Variants in LRRTM4 observed in about 807,000 individuals in gnomAD.
LRRTM4 encodes leucine-rich repeat transmembrane neuronal protein 4.
A neutral mutation model predicts 47.6 loss-of-function variants in LRRTM4; 25 were observed. That is an observed-to-expected ratio of 0.53 (90% CI 0.38 to 0.73). The LOEUF (loss-of-function observed/expected upper bound fraction) is 0.73, where lower values mean the gene tolerates loss of function less well. Ranked by LOEUF, LRRTM4 falls within the 30% of genes least tolerant of loss-of-function variation. LRRTM4 has a pLI of 0.00. For synonymous variants in LRRTM4, 311 were observed against 269.5 expected (o/e 1.15, Z -1.51); for missense variants, 638 against 713.4 (o/e 0.89, Z 1.20).
chr2:76,823,302 T>C (rs1181367992), intron 3 of LRRTM4, among the ~76,000 whole-genome samples: 2 of 151,396 alleles, frequency 1.3e-5, no homozygotes, highest in African/African-American at 2.4e-5. Context: ...CTTTCAATAA[T>C]TAGTAAAAAT....
chr2:77,342,951 G>T (rs1476451169), intron 3 of LRRTM4, among the ~76,000 whole-genome samples: 1 of 151,880 alleles, frequency 6.6e-6, no homozygotes, highest in Non-Finnish European at 1.5e-5. Context: ...TTCCAAACCT[G>T]GCATAATGAT....
At chr2:77,154,474 A>T (rs1672507073) in intron 3 of LRRTM4, among the ~76,000 whole-genome samples, 1 of 152,176 alleles carries the variant, frequency 6.6e-6, no homozygotes, top group Non-Finnish European at 1.5e-5. Context: ...AATTATAACT[A>T]GTATAGGCAT....
intron 3 of LRRTM4, among the ~76,000 whole-genome samples, chr2:76,905,001 T>G (rs1673774458): frequency 6.6e-6 from 1 of 152,118 alleles, no homozygotes; most frequent in African/African-American, 2.4e-5. Context: ...GCAGTGGTTC[T>G]CCCAGAACGC....
At chr2:77,238,262 T>C (rs1190464495) in intron 3 of LRRTM4, among the ~76,000 whole-genome samples, 10 of 152,120 alleles carry the variant, frequency 6.6e-5, no homozygotes, top group Non-Finnish European at 1.3e-4. Flanking sequence ...GCCTCTAATA[T>C]ACAAATAAAA....
chr2:77,207,142 T>TATA (rs1674148152), intron 3 of LRRTM4, among the ~76,000 whole-genome samples: 2 of 136,852 alleles, frequency 1.5e-5, no homozygotes, highest in African/African-American at 5.4e-5. Flanking sequence ...TATTTTATAT[T>TATA]TATATATATA....
chr2:77,459,068 T>C (rs1318409036), intron 3 of LRRTM4, among the ~76,000 whole-genome samples: 5 of 152,076 alleles, frequency 3.3e-5, no homozygotes, highest in African/African-American at 1.2e-4. Context: ...TCACAATCTG[T>C]TATTTATATT....
intron 3 of LRRTM4, among the ~76,000 whole-genome samples, chr2:77,283,111 G>T (rs190220518): frequency 6.6e-6 from 1 of 151,898 alleles, no homozygotes; most frequent in African/African-American, 2.4e-5. Flanking sequence ...GATTCTATAA[G>T]GAACTTACAC....
intron 3 of LRRTM4, among the ~76,000 whole-genome samples, chr2:76,888,910 T>A (rs370524740): frequency 8.6e-4 from 130 of 152,006 alleles, no homozygotes; most frequent in African/African-American, 3.0e-3. Context: ...GAGACTAAAT[T>A]ATTCAATTAA....
chr2:77,404,367 TACAG>T (rs944428608), intron 3 of LRRTM4, among the ~76,000 whole-genome samples: 2 of 152,106 alleles, frequency 1.3e-5, no homozygotes, highest in East Asian at 1.9e-4. Context: ...CAAAATGCAG[TACAG>T]ACAGAGTTTC....
chr2:77,189,789 A>G (rs992524923), intron 3 of LRRTM4, among the ~76,000 whole-genome samples: 3 of 152,134 alleles, frequency 2.0e-5, no homozygotes, highest in South Asian at 2.1e-4. Context: ...ACACACATTT[A>G]TATATACACA....
Position 76,763,000 on chromosome 2 carries a change from T to C in LRRTM4, c.1552-14084A>G, listed in dbSNP as rs570820449. Among the ~76,000 whole-genome samples, 4 of 152,300 alleles carry C rather than the reference T, an allele frequency of 2.6e-5. No homozygotes were observed. The East Asian group carries it at 7.7e-4, about 29-fold the overall frequency. On this transcript the variant is annotated intron_variant, in intron 3 of 3. Transcript: ENST00000409884. The stretch of plus-strand genomic sequence containing the variant: ...AGAGAGAACTAACTGGTTGTGCAAG[T>C]AGAGTCTCAGAAGATTGAGGAGAAT...
At chr2:77,019,936 GA>G (rs1363891836) in intron 3 of LRRTM4, among the ~76,000 whole-genome samples, 3 of 152,004 alleles carry the variant, frequency 2.0e-5, no homozygotes, top group Non-Finnish European at 4.4e-5. Context: ...GGCTCGAAAG[GA>G]AGCAAATAAA....
chr2:77,374,237 G>A (rs1672751047), intron 3 of LRRTM4, among the ~76,000 whole-genome samples: 1 of 151,846 alleles, frequency 6.6e-6, no homozygotes, highest in Non-Finnish European at 1.5e-5. Context: ...GATGTAATTT[G>A]AGACTGAGGA....
chr2:76,999,242 G>T (rs1358697478), intron 3 of LRRTM4, among the ~76,000 whole-genome samples: 1 of 151,692 alleles, frequency 6.6e-6, no homozygotes, highest in Admixed American at 6.6e-5. Flanking sequence ...GGCAGCTGTG[G>T]GTATGATCCA....
At chr2:76,989,233 A>T (rs1676917437) in intron 3 of LRRTM4, among the ~76,000 whole-genome samples, 1 of 151,758 alleles carries the variant, frequency 6.6e-6, no homozygotes, top group African/African-American at 2.4e-5. Flanking sequence ...TAGATTGAAA[A>T]TTTAATAATC....
intron 3 of LRRTM4, among the ~76,000 whole-genome samples, chr2:77,027,707 T>A (rs1678503094): frequency 6.6e-6 from 1 of 152,200 alleles, no homozygotes; most frequent in South Asian, 2.1e-4. Context: ...AGTTAATCTT[T>A]TATTGACTGT....
chr2:77,474,408 C>T (rs34399392), intron 3 of LRRTM4, among the ~76,000 whole-genome samples: 49,812 of 151,690 alleles, frequency 0.33, 8,377 homozygotes, highest in Middle Eastern at 0.36. Flanking sequence ...CTAAGCCCAA[C>T]TGCCAATTCT....
chr2:76,839,429 G>A (rs1335076591), intron 3 of LRRTM4, among the ~76,000 whole-genome samples: 4 of 152,066 alleles, frequency 2.6e-5, no homozygotes, highest in African/African-American at 9.7e-5. Flanking sequence ...AAAGTAACAA[G>A]AAATCAATGC....
rs1385082178 is a variant in LRRTM4, at chr2:77,285,339, T to TTTATATATATATATA, written c.1551+232964_1551+232978dup. Among the ~76,000 whole-genome samples the TTTATATATATATATA allele has an allele frequency of 4.2e-5, 5 of 118,186 alleles. 1 individual carries two copies. 77.5% of individuals were successfully genotyped at this position (118,186 alleles called of 152,430 possible). A position where few individuals can be genotyped will look rare whatever the true frequency, so the allele number is the denominator to read the frequency against. The stretch of plus-strand genomic sequence containing the variant: ...TAAATTAATTCTACTCAGCATTAAA[T>TTTATATATATATATA]TTATATATATATATATATATATATG... On this transcript the variant is annotated intron_variant, in intron 3 of 3. Transcript: ENST00000409884.
Sources: allele counts gnomAD v4.1 joint callset (sites outside exome capture counted in the v4.1 genomes callset), GRCh38; gene constraint gnomAD v4.1.1; transcripts MANE v1.5; gene names NCBI Gene and HGNC (gene_info 2026-07-23, HGNC 2026-07-21).